Variants in ADD2 observed in about 807,000 individuals in gnomAD.
ADD2 encodes beta-adducin.
Under a neutral mutation model 83.0 loss-of-function variants are expected in ADD2, and 23 were observed. The ratio of observed to expected loss-of-function variants is 0.28; its 90% CI spans 0.20 to 0.39. The LOEUF (loss-of-function observed/expected upper bound fraction) is 0.39, where lower values mean the gene tolerates loss of function less well. Among genes scored for constraint, ADD2 ranks in the 10% least tolerant of loss-of-function variants. The pLI is 1.00. For synonymous variants in ADD2, 375 were observed against 375.4 expected, an observed-to-expected ratio of 1.00 and a Z score of 0.01; for missense variants, 758 against 944.9, an observed-to-expected ratio of 0.80 and a Z score of 2.59.
At chr2:70,679,476 C>G (rs1211919030) in intron 10 of ADD2, among the ~76,000 whole-genome samples, 1 of 152,192 alleles carries the variant, frequency 6.6e-6, no homozygotes, top group Admixed American at 6.5e-5. Context: ...CTTCTAGGAA[C>G]CCTGAAATCA....
chr2:70,748,212 TATC>T (rs1674329267), intron 1 of ADD2, among the ~76,000 whole-genome samples: 2 of 152,036 alleles, frequency 1.3e-5, no homozygotes, highest in East Asian at 3.9e-4. Context: ...ATGATTGCCT[TATC>T]ATGTGGGTCC....
chr2:70,676,689 G>A lies in ADD2; in HGVS notation c.1593+107C>T, dbSNP rs1670160314. ...AGAGCACCGGCACCCAAGATCACAG[G>A]GGAAGGTGGGTATGAGGACTCAGGG... On this transcript the variant is annotated intron_variant, in intron 13 of 15. Coordinates refer to ENST00000264436, the MANE Select transcript of ADD2 (RefSeq NM_001617.4). This position sits in a 1 kb window ranked among gnomAD's most constrained non-coding sequence, Gnocchi z 4.8. The A allele has an allele frequency of 1.3e-6, 2 of 1,540,184 alleles. No individual in the cohort carries two copies.
At chr2:70,756,272 C>T (rs1349046558) in intron 1 of ADD2, among the ~76,000 whole-genome samples, 1 of 152,062 alleles carries the variant, frequency 6.6e-6, no homozygotes, top group Non-Finnish European at 1.5e-5. Context: ...GATTTATTAG[C>T]TTCAATCACT....
At chr2:70,737,344 G>C (rs1216554992) in intron 1 of ADD2, among the ~76,000 whole-genome samples, 2 of 152,154 alleles carry the variant, frequency 1.3e-5, no homozygotes, top group Admixed American at 6.5e-5. Context: ...ATCAATGATA[G>C]ACTGGATTAA....
intron 1 of ADD2, among the ~76,000 whole-genome samples, chr2:70,759,380 G>A (rs1553384466): frequency 1.3e-5 from 2 of 152,142 alleles, no homozygotes; most frequent in Non-Finnish European, 2.9e-5. Flanking sequence ...AACCTTGTTT[G>A]AAGCTGGATA....
rs1224623759 is a variant in ADD2, at chr2:70,676,050, A to C, written c.1593+746T>G. On this transcript the variant is annotated intron_variant, in intron 13 of 15. Coordinates refer to ENST00000264436, the MANE Select transcript of ADD2 (RefSeq NM_001617.4). The surrounding 1 kb of genome is among the most constrained non-coding windows in gnomAD (Gnocchi z 4.8). Reference sequence around the variant, plus strand: ...ACCCACCCTGTGGGCTGCAGTCTTGACCTGAAATCATTGCATCATCACAAT... The same window carrying C: ...ACCCACCCTGTGGGCTGCAGTCTTGCCCTGAAATCATTGCATCATCACAAT... 1.0e-6 allele frequency: 1 copy of C among 985,268 alleles called. No homozygotes were observed. Among genetic ancestry groups the C allele is most frequent in the African/African-American group, 1.7e-5 (1 of 57,216 alleles). 61.0% of individuals were successfully genotyped at this position (985,268 alleles called of 1,614,324 possible).
chr2:70,694,117 C>T (rs1341425310), intron 6 of ADD2, among the ~76,000 whole-genome samples: 2 of 152,338 alleles, frequency 1.3e-5, no homozygotes, highest in East Asian at 3.9e-4. Context: ...TATGTCTACA[C>T]ACAATTCATA....
Position 70,704,376 on chromosome 2 carries a change from C to G in ADD2, c.267G>C (p.Gln89His). 1 of 1,613,364 alleles carries G rather than the reference C, an allele frequency of 6.2e-7. No individual in the cohort carries two copies. Among genetic ancestry groups the G allele is most frequent in the Non-Finnish European group, 8.5e-7 (1 of 1,179,784 alleles). The change falls in exon 4 of 16, where the codon CAG becomes CAC. Residue 89 changes from glutamine (Q) to histidine (H), a missense_variant. Gln to His is a conservative substitution (Grantham distance 24). Coordinates refer to ENST00000264436, the MANE Select transcript of ADD2 (RefSeq NM_001617.4). Reference protein sequence around the residue: ...NNSSNIWALRQIADFMASTSH... With the variant: ...NNSSNIWALRHIADFMASTSH... ...AGGTGCTGGCCATGAAGTCCGCGAT[C>G]TGTCGCAGGGCCCAGATGTTGGAGG...
intron 5 of ADD2, 73 bp downstream of exon 5, chr2:70,696,172 G>A (rs913822335): frequency 1.3e-5 from 20 of 1,551,848 alleles, no homozygotes; most frequent in African/African-American, 2.7e-5. Flanking sequence ...CATGCCAAGG[G>A]TCAGGAGTTC....
Position 70,676,690 on chromosome 2 carries a change from G to A in ADD2, c.1593+106C>T, listed in dbSNP as rs781792840. Reference sequence around the variant, plus strand: ...GAGCACCGGCACCCAAGATCACAGGGGAAGGTGGGTATGAGGACTCAGGGG... The same window carrying A: ...GAGCACCGGCACCCAAGATCACAGGAGAAGGTGGGTATGAGGACTCAGGGG... On this transcript the variant is annotated intron_variant, in intron 13 of 15. Coordinates refer to ENST00000264436, the MANE Select transcript of ADD2 (RefSeq NM_001617.4). The surrounding 1 kb of genome is among the most constrained non-coding windows in gnomAD (Gnocchi z 4.8). 9 of 1,541,792 alleles carry A rather than the reference G, an allele frequency of 5.8e-6. No homozygotes were observed. The African/African-American group carries it at 8.2e-5, about 14-fold the overall frequency.
Position 70,706,297 on chromosome 2 carries a change from C to G in ADD2, c.112G>C (p.Ala38Pro), listed in dbSNP as rs1574268294. The G allele has an allele frequency of 1.2e-6, 2 of 1,614,130 alleles. No individual in the cohort carries two copies. The highest frequency in any genetic ancestry group is 4.5e-5 in the East Asian group (2 of 44,872). Reference sequence around the variant, plus strand: ...TTGAAGTCCTGCCGCAGGTCCGCCGCCCGGTTGCGAAGGCGCATGTACTCG... The same window carrying G: ...TTGAAGTCCTGCCGCAGGTCCGCCGGCCGGTTGCGAAGGCGCATGTACTCG... ...DPEYMRLRNRAADLRQDFNLM... is the reference protein window; with the variant it reads ...DPEYMRLRNRPADLRQDFNLM... The change falls in exon 3 of 16, where the codon GCG becomes CCG. Residue 38 changes from alanine (A) to proline (P), a missense_variant. By Grantham distance (27) the Ala-to-Pro change is conservative. Transcript: ENST00000264436. The surrounding 1 kb of genome is among the most constrained non-coding windows in gnomAD (Gnocchi z 5.0).
Position 70,661,429 on chromosome 2 carries a change from G to A in ADD2, c.*1996C>T, listed in dbSNP as rs1553364987. Reference sequence around the variant, plus strand: ...CATATGACAGATTTTTCTGAGGCATGAGTGGGTTGTCCCTCCTAAAATTTG... The same window carrying A: ...CATATGACAGATTTTTCTGAGGCATAAGTGGGTTGTCCCTCCTAAAATTTG... On this transcript the variant is annotated 3_prime_UTR_variant, in exon 16 of 16. Transcript: ENST00000264436. 1 of 152,182 alleles carries A rather than the reference G, an allele frequency of 6.6e-6. No homozygotes were observed. The highest frequency in any genetic ancestry group is 1.9e-4 in the East Asian group (1 of 5,192). 9.4% of individuals were successfully genotyped at this position (152,182 alleles called of 1,614,324 possible).
At chr2:70,765,217 G>A (rs1675320437) in intron 1 of ADD2, among the ~76,000 whole-genome samples, 1 of 152,100 alleles carries the variant, frequency 6.6e-6, no homozygotes, top group African/African-American at 2.4e-5. Flanking sequence ...GCCGGGCGTG[G>A]TGACACGCAC....
intron 1 of ADD2, among the ~76,000 whole-genome samples, chr2:70,762,575 C>T (rs1553385206): frequency 6.7e-6 from 1 of 150,308 alleles, no homozygotes; most frequent in Non-Finnish European, 1.5e-5. Context: ...ATAAAATATA[C>T]ACAAATACAT....
chr2:70,730,302 C>T (rs13008479), intron 1 of ADD2, among the ~76,000 whole-genome samples: 19,599 of 152,218 alleles, frequency 0.13, 1,496 homozygotes, highest in Middle Eastern at 0.26. Flanking sequence ...GATACCACAT[C>T]GGGCCTCTGC....
At chr2:70,767,849 C>T in intron 1 of ADD2, 37 bp downstream of exon 1, 2 of 1,534,662 alleles carry the variant, frequency 1.3e-6, no homozygotes, top group Non-Finnish European at 1.7e-6. Flanking sequence ...ACCAGCGACC[C>T]CAGGCAGCCC....
At chr2:70,748,274 C>A in intron 1 of ADD2, among the ~76,000 whole-genome samples, 1 of 126,748 alleles carries the variant, frequency 7.9e-6, no homozygotes. Context: ...AGAAATGTCA[C>A]ATATTCAAAC....
At chr2:70,712,936 C>A in intron 2 of ADD2, 130 bp downstream of exon 2, 1 of 198,424 alleles carries the variant, frequency 5.0e-6, no homozygotes, top group Non-Finnish European at 9.1e-6. Flanking sequence ...GATAAGGGGA[C>A]TTCATAGCAA....
Position 70,695,874 on chromosome 2 carries a change from C to T in ADD2, c.475-73G>A, listed in dbSNP as rs141023546. On this transcript the variant is annotated intron_variant, in intron 5 of 15. Transcript: ENST00000264436. ...TTTCCAAGGACACTGTGCTTGAATC[C>T]CCTCTTCCCCTGAATCTACTGCACC... 6.1e-6 allele frequency: 8 copies of T among 1,305,242 alleles called. No individual in the cohort carries two copies. The African/African-American group carries it at 1.2e-4, about 19-fold the overall frequency. The allele number at this position is 1,305,242 out of a possible 1,614,324, so 80.9% of individuals were successfully genotyped here. A position where few individuals can be genotyped will look rare whatever the true frequency, so the allele number is the denominator to read the frequency against.
Sources: gnomAD v4.1 joint callset for allele counts (sites outside exome capture counted in the v4.1 genomes callset) on GRCh38, gnomAD v4.1.1 for gene constraint, Gnocchi (gnomAD v3.1) non-coding constraint, MANE v1.5 for transcripts, NCBI Gene and HGNC (gene_info 2026-07-23, HGNC 2026-07-21) for gene names.